Variants in LTA4H observed in about 807,000 individuals in gnomAD.
LTA4H encodes the protein leukotriene A4 hydrolase.
LTA4H carries 59 observed loss-of-function variants against 89.8 expected under a neutral mutation model. The observed-to-expected ratio is 0.66, with a 90% CI of 0.53 to 0.82. The LOEUF is 0.82. Among genes scored for constraint, LTA4H ranks in the 40% least tolerant of loss-of-function variants. LTA4H has a pLI of 0.00. For missense variants in LTA4H, 617 were observed against 727.0 expected, an observed-to-expected ratio of 0.85 and a Z score of 1.74; for synonymous variants, 227 against 253.1, an observed-to-expected ratio of 0.90 and a Z score of 0.98.
intron 1 of LTA4H, among the ~76,000 whole-genome samples, chr12:96,032,740 G>A (rs375378597): frequency 2.4e-4 from 36 of 152,270 alleles, no homozygotes; most frequent in Non-Finnish European, 4.6e-4. Flanking sequence ...AAACAGACAT[G>A]CCAACCAGAA....
Position 96,019,231 on chromosome 12 carries a change from G to T in LTA4H, c.648C>A (p.Gly216=), listed in dbSNP as rs958543117. ...VVGALESRQI[G]PRTLVWSEKE... ...TCTCAGACCACACCAAAGTTCTTGG[G>T]CCAATTTGCCTGCAAGATTAAAAAG... Residue 216 remains glycine, a synonymous_variant, in exon 7 of 19, where the codon GGC becomes GGA. Transcript: ENST00000228740. 6 of 1,609,394 alleles carry T rather than the reference G, an allele frequency of 3.7e-6. No homozygotes were observed. In the African/African-American group the frequency reaches 8.1e-5, roughly 22 times the overall value.
chr12:96,013,406 A>C (rs1950333614), intron 13 of LTA4H, 148 bp from the exon 14 acceptor site: 6 of 592,966 alleles, frequency 1.0e-5, no homozygotes, highest in Middle Eastern at 4.4e-4. Context: ...TAATATTTTA[A>C]ATTGATAGAT....
intron 10 of LTA4H, among the ~76,000 whole-genome samples, chr12:96,016,298 C>CAAAA (rs762615863): frequency 3.6e-5 from 2 of 55,604 alleles, no homozygotes; most frequent in African/African-American, 1.4e-4. Flanking sequence ...GACTCCATCT[C>CAAAA]AAAAAAAAAA....
At position 96,013,750 on chromosome 12, in the gene LTA4H, C is replaced by T; in HGVS notation, c.1308G>A (p.Lys436=). The change falls in exon 13 of 19, where the codon AAG becomes AAA. Residue 436 remains lysine, a splice_region_variant and synonymous_variant. Transcript: ENST00000228740. ...KDFLYSYFKD[K]VDVLNQVDWN... The stretch of plus-strand genomic sequence containing the variant: ...AATAGAAAAGGTTTTTAAATCCAAC[C>T]TTATCTTTAAAATAGGAATACAGGA... The T allele has an allele frequency of 1.3e-6, 2 of 1,485,668 alleles. No individual in the cohort carries two copies. Among genetic ancestry groups the T allele is most frequent in the Non-Finnish European group, 1.9e-6 (2 of 1,079,416 alleles). The allele number at this position is 1,485,668 out of a possible 1,614,324, so 92.0% of individuals were successfully genotyped here. A position where few individuals can be genotyped will look rare whatever the true frequency, so the allele number is the denominator to read the frequency against.
chr12:96,037,085 A>T (rs74966034), upstream of LTA4H, among the ~76,000 whole-genome samples: 15,720 of 152,260 alleles, frequency 0.1, 1,061 homozygotes, highest in East Asian at 0.3. Context: ...TTATAATTCA[A>T]CATGAGATTT....
In LTA4H at chr12:96,030,215, GT is replaced by G. The variant is rs529490377; in HGVS notation, c.160-1031del. ...ATAAATGGTTCTCTATTTGTCTAAT[GT>G]TTTTTTCCTTTCCCCTCCTTTATTC... is the stretch of plus-strand genomic sequence containing the variant. On this transcript the variant is annotated intron_variant, in intron 1 of 18. Coordinates refer to ENST00000228740, the MANE Select transcript of LTA4H (RefSeq NM_000895.3). Among the ~76,000 whole-genome samples, 129 of 152,162 alleles carry G rather than the reference GT, an allele frequency of 8.5e-4. 1 individual carries two copies. The highest frequency in any genetic ancestry group is 2.5e-3 in the African/African-American group (102 of 41,526).
intron 6 of LTA4H, among the ~76,000 whole-genome samples, chr12:96,019,990 A>G (rs60244281): frequency 0.13 from 19,290 of 144,510 alleles, 1,542 homozygotes; most frequent in East Asian, 0.31. Context: ...TGCAGCCTCC[A>G]CCTCCTGGGC....
chr12:96,038,347 G>A (rs1037277386), upstream of LTA4H, among the ~76,000 whole-genome samples: 26 of 152,122 alleles, frequency 1.7e-4, no homozygotes, highest in Non-Finnish European at 4.4e-5. Flanking sequence ...CACATGCATA[G>A]GTCCTAATTC....
intron 14 of LTA4H, chr12:96,009,604 C>T (rs558727416): frequency 8.1e-5 from 13 of 159,552 alleles, no homozygotes; most frequent in Non-Finnish European, 1.4e-4. Flanking sequence ...TAATTGGCAC[C>T]GTTCTAGATG....
At chr12:96,004,815 T>A (rs1234228300) in intron 16 of LTA4H, among the ~76,000 whole-genome samples, 1 of 152,116 alleles carries the variant, frequency 6.6e-6, no homozygotes, top group East Asian at 1.9e-4. Context: ...GTTAAGGTCA[T>A]CTCCAAGGCT....
At chr12:96,039,977 T>C (rs1950676467), upstream of LTA4H, among the ~76,000 whole-genome samples, 1 of 152,230 alleles carries the variant, frequency 6.6e-6, no homozygotes, top group Non-Finnish European at 1.5e-5. Flanking sequence ...AACATGGTGT[T>C]AAGAGGAGAC....
At chr12:96,031,956 T>G (rs1950579709) in intron 1 of LTA4H, among the ~76,000 whole-genome samples, 1 of 152,260 alleles carries the variant, frequency 6.6e-6, no homozygotes. Context: ...TAGGTTTATG[T>G]GTGAAACACA....
chr12:96,001,919 G>A (rs1449737023), intron 18 of LTA4H, among the ~76,000 whole-genome samples: 1 of 151,684 alleles, frequency 6.6e-6, no homozygotes, highest in Non-Finnish European at 1.5e-5. Context: ...GAGCAATGGC[G>A]CAATCTCAGC....
intron 18 of LTA4H, 22 bp from the exon 19 acceptor site, chr12:96,001,128 A>AAAAG: frequency 6.7e-7 from 1 of 1,495,424 alleles, no homozygotes; most frequent in South Asian, 1.1e-5. Flanking sequence ...GAAAAAATTG[A>AAAAG]AAAGAAAGAA....
At chr12:96,003,412 C>T (rs1404932592) in intron 17 of LTA4H, among the ~76,000 whole-genome samples, 1 of 151,878 alleles carries the variant, frequency 6.6e-6, no homozygotes, top group African/African-American at 2.4e-5. Context: ...CAGGTAGGTG[C>T]TCACATACCT....
At chr12:96,030,074 G>T (rs572649071) in intron 1 of LTA4H, among the ~76,000 whole-genome samples, 1 of 152,042 alleles carries the variant, frequency 6.6e-6, no homozygotes, top group South Asian at 2.1e-4. Flanking sequence ...CCCCCACCCC[G>T]ATCAACAAAG....
intron 1 of LTA4H, among the ~76,000 whole-genome samples, chr12:96,033,283 G>A (rs983848106): frequency 2.0e-5 from 3 of 152,102 alleles, no homozygotes; most frequent in African/African-American, 7.2e-5. Flanking sequence ...AGCTTTGAGT[G>A]GGTTTGGGGC....
upstream of LTA4H, among the ~76,000 whole-genome samples, chr12:96,037,724 C>G (rs540995484): frequency 8.0e-5 from 11 of 136,648 alleles, no homozygotes; most frequent in South Asian, 2.2e-3. Context: ...GACGGAGTCT[C>G]GCTCTGTCGC....
At chr12:96,039,435 G>A (rs555644959), upstream of LTA4H, among the ~76,000 whole-genome samples, 3 of 152,306 alleles carry the variant, frequency 2.0e-5, no homozygotes, top group South Asian at 6.2e-4. Flanking sequence ...TGAGGCACCT[G>A]TGGCCCGTGC....
Sources: allele counts gnomAD v4.1 joint callset (sites outside exome capture counted in the v4.1 genomes callset), GRCh38; gene constraint gnomAD v4.1.1; transcripts MANE v1.5; gene names NCBI Gene and HGNC (gene_info 2026-07-23, HGNC 2026-07-21).